NSUN3: variants seen among roughly 807,000 people sequenced by gnomAD.
The protein encoded by NSUN3 is NOP2/Sun RNA methyltransferase 3.
In NSUN3, 24 loss-of-function variants were observed where a neutral mutation model predicts 36.8. That is an observed-to-expected ratio of 0.65 (90% CI 0.47 to 0.92). The LOEUF (loss-of-function observed/expected upper bound fraction) is 0.92, where lower values mean the gene tolerates loss of function less well. Among genes scored for constraint, NSUN3 ranks in the 40% least tolerant of loss-of-function variants. The pLI is 0.00. For synonymous variants in NSUN3, 146 were observed against 145.2 expected (o/e 1.01, Z -0.04); for missense variants, 381 against 392.8 (o/e 0.97, Z 0.25).
chr3:94,097,382 A>G (rs1313004383), intron 5 of NSUN3, among the ~76,000 whole-genome samples: 1 of 151,812 alleles, frequency 6.6e-6, no homozygotes, highest in Non-Finnish European at 1.5e-5. Context: ...TTTTAACCAA[A>G]TATTTCTTAA....
At chr3:94,063,800 T>TA in intron 1 of NSUN3, 1 of 152,016 alleles carries the variant, frequency 6.6e-6, no homozygotes, top group South Asian at 2.1e-4. Context: ...TTTTTTTTTT[T>TA]ACTTTTTGTA....
intron 2 of NSUN3, among the ~76,000 whole-genome samples, chr3:94,074,789 C>G (rs1208746713): frequency 6.6e-6 from 1 of 152,066 alleles, no homozygotes; most frequent in Non-Finnish European, 1.5e-5. Context: ...ATTTGAATAC[C>G]CTTTATTTCC....
intron 2 of NSUN3, among the ~76,000 whole-genome samples, chr3:94,065,959 A>G (rs1476835686): frequency 1.3e-5 from 2 of 152,138 alleles, no homozygotes; most frequent in Admixed American, 6.5e-5. Flanking sequence ...CACTCAGCTA[A>G]TAAGTGGCAG....
At chr3:94,064,276 A>ATAATG in intron 1 of NSUN3, 161 bp from the exon 2 acceptor site, 1 of 576,680 alleles carries the variant, frequency 1.7e-6, no homozygotes, top group Non-Finnish European at 3.1e-6. Context: ...TCATAATTAG[A>ATAATG]TAATGTACAG....
chr3:94,068,266 T>A (rs1201421000), intron 2 of NSUN3, among the ~76,000 whole-genome samples: 1 of 152,242 alleles, frequency 6.6e-6, no homozygotes, highest in Non-Finnish European at 1.5e-5. Context: ...ATTAGCATTA[T>A]TTTTGTTACT....
At position 94,129,986 on chromosome 3, in the gene NSUN3, C is replaced by A. The variant is rs553220363; in HGVS notation, c.*3496C>A. On this transcript the variant is annotated 3_prime_UTR_variant, in exon 6 of 6. Transcript: ENST00000314622. ...GGCCAGGTTGATCTTGAACTCCTGA[C>A]CTTGTCATCCACCTGCCTCAGCCTC... 6.6e-6 allele frequency among the ~76,000 whole-genome samples: 1 copy of A among 152,076 alleles called. No individual in the cohort carries two copies. Among genetic ancestry groups the A allele is most frequent in the East Asian group, 1.9e-4 (1 of 5,158 alleles).
At chr3:94,110,767 C>T (rs1033373190) in intron 5 of NSUN3, among the ~76,000 whole-genome samples, 15 of 148,284 alleles carry the variant, frequency 1.0e-4, no homozygotes, top group East Asian at 3.9e-4. Flanking sequence ...CACACACACA[C>T]GCATATATAT....
At chr3:94,069,481 A>G (rs1056319419) in intron 2 of NSUN3, among the ~76,000 whole-genome samples, 4 of 152,226 alleles carry the variant, frequency 2.6e-5, no homozygotes, top group African/African-American at 9.6e-5. Context: ...GGAAATTTAA[A>G]TAGGTTCTGT....
intron 3 of NSUN3, chr3:94,084,889 A>G (rs2077285523): frequency 6.5e-6 from 1 of 153,958 alleles, no homozygotes; most frequent in East Asian, 1.9e-4. Flanking sequence ...TGTGAAGTAT[A>G]TATATACCCT....
Position 94,126,399 on chromosome 3 carries a change from G to A in NSUN3, c.932G>A (p.Cys311Tyr). 1 of 1,614,170 alleles carries A rather than the reference G, an allele frequency of 6.2e-7. No individual in the cohort carries two copies. The highest frequency in any genetic ancestry group is 8.5e-7 in the Non-Finnish European group (1 of 1,180,016). ...ACATTTGCTCCCACTGGCCAGGAAT[G>A]TGGGCTCTTAGTGATTCCAGATAAG... The part of the protein sequence containing the change: ...DFTFAPTGQE[C>Y]GLLVIPDKGK... The change falls in exon 6 of 6, where the codon TGT becomes TAT. Residue 311 changes from cysteine to tyrosine, a missense_variant. Physicochemically the swap from Cys to Tyr is radical, Grantham distance 194. Coordinates refer to ENST00000314622, the MANE Select transcript of NSUN3 (RefSeq NM_022072.5).
intron 3 of NSUN3, among the ~76,000 whole-genome samples, chr3:94,086,415 C>G (rs1032069218): frequency 6.6e-6 from 1 of 152,220 alleles, no homozygotes; most frequent in Non-Finnish European, 1.5e-5. Flanking sequence ...GAAGTGTTCT[C>G]CTCCTTTAGG....
At chr3:94,103,492 A>G (rs1309204365) in intron 5 of NSUN3, among the ~76,000 whole-genome samples, 1 of 151,476 alleles carries the variant, frequency 6.6e-6, no homozygotes, top group Non-Finnish European at 1.5e-5. Flanking sequence ...GCTAAGATAC[A>G]TATATTTATT....
At chr3:94,124,746 A>G (rs1301193070) in intron 5 of NSUN3, among the ~76,000 whole-genome samples, 1 of 152,218 alleles carries the variant, frequency 6.6e-6, no homozygotes, top group African/African-American at 2.4e-5. Context: ...GACACAGTTT[A>G]ATTCAAAACA....
Position 94,109,615 on chromosome 3 carries a change from G to A in NSUN3, c.743+14461G>A, listed in dbSNP as rs1408863717. The stretch of plus-strand genomic sequence containing the variant: ...AAACACGTCTCTTCTCTGCACATCC[G>A]GTTTGATGATGTGAGCGATCTGCAG... On this transcript the variant is annotated intron_variant, in intron 5 of 5. Coordinates refer to ENST00000314622, the MANE Select transcript of NSUN3 (RefSeq NM_022072.5). Among the ~76,000 whole-genome samples, 6 of 152,164 alleles carry A rather than the reference G, an allele frequency of 3.9e-5. No individual in the cohort carries two copies. In the East Asian group the frequency reaches 7.7e-4, roughly 20 times the overall value.
intron 5 of NSUN3, among the ~76,000 whole-genome samples, chr3:94,105,306 C>G (rs974978965): frequency 9.2e-5 from 14 of 152,120 alleles, no homozygotes; most frequent in African/African-American, 3.4e-4. Flanking sequence ...CCAGCCTATC[C>G]GTTAAGAGTC....
intron 2 of NSUN3, among the ~76,000 whole-genome samples, chr3:94,079,713 C>T (rs1162755665): frequency 2.6e-5 from 4 of 151,884 alleles, no homozygotes; most frequent in East Asian, 3.9e-4. Flanking sequence ...TCTGCTTGAT[C>T]GATTCAGCTA....
chr3:94,085,560 C>T (rs1425353055), intron 3 of NSUN3, among the ~76,000 whole-genome samples: 4 of 152,174 alleles, frequency 2.6e-5, no homozygotes, highest in Non-Finnish European at 5.9e-5. Context: ...AGTTCTAGAC[C>T]AGTCTGGGCA....
chr3:94,064,588 A>G, intron 2 of NSUN3, 42 bp downstream of exon 2: 1 of 1,217,114 alleles, frequency 8.2e-7, no homozygotes, highest in Non-Finnish European at 1.2e-6. Flanking sequence ...GGAACAAAGT[A>G]CAATATGTAG....
intron 3 of NSUN3, among the ~76,000 whole-genome samples, chr3:94,087,565 A>G (rs2077296963): frequency 6.6e-6 from 1 of 152,262 alleles, no homozygotes; most frequent in Admixed American, 6.5e-5. Context: ...ATGGGAAAAC[A>G]TTAGCATATT....
Sources: allele counts gnomAD v4.1 joint callset (sites outside exome capture counted in the v4.1 genomes callset), GRCh38; gene constraint gnomAD v4.1.1; transcripts MANE v1.5; gene names NCBI Gene and HGNC (gene_info 2026-07-23, HGNC 2026-07-21).